Variants in ZC3H3 observed in about 807,000 individuals in gnomAD.
The protein encoded by ZC3H3 is zinc finger CCCH domain-containing protein 3.
ZC3H3 carries 36 observed loss-of-function variants against 77.3 expected under a neutral mutation model. The ratio of observed to expected loss-of-function variants is 0.47; its 90% CI spans 0.36 to 0.61. The LOEUF (loss-of-function observed/expected upper bound fraction) is 0.61. Among genes scored for constraint, ZC3H3 ranks in the 20% least tolerant of loss-of-function variants. The pLI, the probability that ZC3H3 is intolerant of heterozygous loss-of-function variation, is 0.00. For synonymous variants in ZC3H3, 626 were observed against 555.2 expected (o/e 1.13, Z -1.79); for missense variants, 1,331 against 1,312.2 (o/e 1.01, Z -0.22).
rs1354005975 is a variant in ZC3H3 at position 143,440,370 on chromosome 8, G to A, written c.2493-7C>T. On this transcript the variant is annotated splice_polypyrimidine_tract_variant and splice_region_variant and intron_variant, in intron 10 of 11. Transcript: ENST00000262577. ...CTGGGATGCTGAAGGCTTCCTGCAG[G>A]GAAGGAAGGGGCAGACGTGTGAGGT... 2 of 1,518,836 alleles carry A rather than the reference G, an allele frequency of 1.3e-6. No individual in the cohort carries two copies. The highest frequency in any genetic ancestry group is 1.4e-5 in the African/African-American group (1 of 72,256). The allele number at this position is 1,518,836 out of a possible 1,614,324, so 94.1% of individuals were successfully genotyped here. A position where few individuals can be genotyped will look rare whatever the true frequency, so the allele number is the denominator to read the frequency against.
intron 9 of ZC3H3, among the ~76,000 whole-genome samples, chr8:143,442,701 G>A (rs551707631): frequency 7.2e-4 from 109 of 152,374 alleles, no homozygotes; most frequent in African/African-American, 2.4e-3. Context: ...GTGAGCTGAG[G>A]TGTGGGTGTT....
chr8:143,470,108 C>T (rs1397877451), intron 5 of ZC3H3, among the ~76,000 whole-genome samples: 5 of 152,348 alleles, frequency 3.3e-5, no homozygotes, highest in East Asian at 1.9e-4. Context: ...TCCGCTCCCT[C>T]GCACCCCCAG....
chr8:143,523,087 G>A (rs1220381078), intron 3 of ZC3H3, among the ~76,000 whole-genome samples: 1 of 152,168 alleles, frequency 6.6e-6, no homozygotes, highest in Non-Finnish European at 1.5e-5. Context: ...TCTGCCACAA[G>A]CCCTGCCCAG....
chr8:143,476,530 AC>A (rs1300750037), intron 4 of ZC3H3, among the ~76,000 whole-genome samples: 2 of 152,006 alleles, frequency 1.3e-5, no homozygotes, highest in African/African-American at 4.8e-5. Flanking sequence ...TGCCAGCCAC[AC>A]CCACAGCCCT....
chr8:143,489,056 T>G (rs1821127102), intron 4 of ZC3H3, among the ~76,000 whole-genome samples: 1 of 152,178 alleles, frequency 6.6e-6, no homozygotes. Context: ...CCCAGGACTG[T>G]TCATCCAGAT....
Position 143,440,332 on chromosome 8 carries a change from G to T in ZC3H3, c.2524C>A (p.Gln842Lys). The change falls in exon 11 of 12, where the codon CAG becomes AAG. Residue 842 changes from glutamine (Q) to lysine (K), a missense_variant. This residue lies in a region of ZC3H3 where 249 missense variants were observed against 236.9 expected (regional missense o/e 1.05). Coordinates refer to ENST00000262577, the MANE Select transcript of ZC3H3 (RefSeq NM_015117.3). The stretch of plus-strand genomic sequence containing the variant: ...GTGAGGGCAGCCGAGCTGGGCGTCT[G>T]CCTGGTGGGGCGCTGGGATGCTGAA... ...KPSASQRPTR[Q>K]TPSSAALTAA... 1 of 1,538,434 alleles carries T rather than the reference G, an allele frequency of 6.5e-7. No individual in the cohort carries two copies. Among genetic ancestry groups the T allele is most frequent in the Non-Finnish European group, 8.8e-7 (1 of 1,139,936 alleles).
At chr8:143,473,908 A>C (rs988188809) in intron 5 of ZC3H3, among the ~76,000 whole-genome samples, 2 of 152,118 alleles carry the variant, frequency 1.3e-5, no homozygotes, top group African/African-American at 4.8e-5. Context: ...TGCTGGAGAG[A>C]AGCCCGAGGC....
intron 5 of ZC3H3, among the ~76,000 whole-genome samples, chr8:143,470,474 G>A (rs1302044600): frequency 3.3e-5 from 5 of 152,242 alleles, no homozygotes; most frequent in Admixed American, 1.3e-4. Context: ...CCTTGTCCCC[G>A]GGTGGGCAGC....
intron 4 of ZC3H3, among the ~76,000 whole-genome samples, chr8:143,483,124 G>C (rs1820952177): frequency 6.6e-6 from 1 of 152,254 alleles, no homozygotes; most frequent in East Asian, 1.9e-4. Context: ...GGAGTGCGAA[G>C]TCAGCAGAAG....
chr8:143,523,573 G>A (rs1414697377), intron 3 of ZC3H3: 6 of 978,572 alleles, frequency 6.1e-6, no homozygotes, highest in Non-Finnish European at 7.3e-6. Flanking sequence ...AGAGGCAGTA[G>A]GAGACCACAG....
At chr8:143,491,050 T>C (rs1368136178) in intron 4 of ZC3H3, among the ~76,000 whole-genome samples, 1 of 152,030 alleles carries the variant, frequency 6.6e-6, no homozygotes, top group Non-Finnish European at 1.5e-5. Flanking sequence ...TCAGGGGTGG[T>C]TTTTCAGTTT....
At chr8:143,527,834 A>T (rs1427390577) in intron 3 of ZC3H3, among the ~76,000 whole-genome samples, 1 of 152,174 alleles carries the variant, frequency 6.6e-6, no homozygotes, top group Non-Finnish European at 1.5e-5. Flanking sequence ...CAAAGCACCC[A>T]AAGGCACCGC....
rs1207888902 is a variant in ZC3H3, at chr8:143,475,486, T to A, written c.1815A>T (p.Gly605=). The A allele has an allele frequency of 8.7e-6, 14 of 1,613,074 alleles. No homozygotes were observed. Among genetic ancestry groups the A allele is most frequent in the Non-Finnish European group, 1.2e-5 (14 of 1,179,938 alleles). The stretch of plus-strand genomic sequence containing the variant: ...TGGCAGATACTTTGTAGAGGACCCC[T>A]CCGATGCAGCGGTAGCCTTTGCTCC... The part of the protein sequence containing the change: ...WWRSKGYRCI[G]GVLYKVSANK... The change falls in exon 5 of 12, where the codon GGA becomes GGT. Residue 605 remains glycine (G), a synonymous_variant. Transcript: ENST00000262577.
chr8:143,485,367 C>G (rs750439785), intron 4 of ZC3H3, among the ~76,000 whole-genome samples: 1 of 152,206 alleles, frequency 6.6e-6, no homozygotes, highest in Non-Finnish European at 1.5e-5. Flanking sequence ...TAACGAAGGG[C>G]ACAGACAAGT....
chr8:143,520,439 C>T lies in ZC3H3; in HGVS notation c.1562-12540G>A, dbSNP rs114511011. On this transcript the variant is annotated intron_variant, in intron 3 of 11. Transcript: ENST00000262577. ...AGCCGATGGCCAGCTGCCCACCCTG[C>T]GCCCCCACACAGCCCTGGTGCTGCT... is the stretch of plus-strand genomic sequence containing the variant. 8.7e-3 allele frequency among the ~76,000 whole-genome samples: 1,321 copies of T among 152,278 alleles called. 9 individuals are homozygous for T. The highest frequency in any genetic ancestry group is 0.029 in the African/African-American group (1,212 of 41,570).
In ZC3H3 at chr8:143,517,494, C is replaced by T. The variant is rs986832318; in HGVS notation, c.1562-9595G>A. 4.6e-5 allele frequency among the ~76,000 whole-genome samples: 7 copies of T among 152,318 alleles called. No individual in the cohort carries two copies. In the East Asian group the frequency reaches 5.8e-4, roughly 13 times the overall value. ...TAGGCTCGGGGCATGCAGGCTGCAG[C>T]GAAGGACAGCTGGGCTTGGGCCTGG... On this transcript the variant is annotated intron_variant, in intron 3 of 11. Coordinates refer to ENST00000262577, the MANE Select transcript of ZC3H3 (RefSeq NM_015117.3).
chr8:143,475,707 T>C, intron 4 of ZC3H3, 122 bp from the exon 5 acceptor site: 2 of 1,187,468 alleles, frequency 1.7e-6, no homozygotes, highest in South Asian at 1.6e-5. Flanking sequence ...GCACTTGCGG[T>C]GGGTACACAC....
rs1290509121 is a variant in ZC3H3, at chr8:143,536,261, C to T, written c.1557G>A (p.Lys519=). ...LPPSRAHLPT[K]EASSLHAVRT... ...GCGCCCCTGCTCCCAGCATACCTTC[C>T]TTGGTGGGGAGGTGGGCCCGGCTCG... The change falls in exon 3 of 12, where the codon AAG becomes AAA. Residue 519 remains lysine (K), a synonymous_variant. Transcript: ENST00000262577. The T allele has an allele frequency of 6.2e-7, 1 of 1,610,622 alleles. No individual in the cohort carries two copies. Among genetic ancestry groups the T allele is most frequent in the East Asian group, 2.2e-5 (1 of 44,858 alleles).
chr8:143,538,638 C>A lies in ZC3H3; in HGVS notation c.729G>T (p.Leu243=). The A allele has an allele frequency of 6.2e-7, 1 of 1,608,934 alleles. No individual in the cohort carries two copies. Among genetic ancestry groups the A allele is most frequent in the Non-Finnish European group, 8.5e-7 (1 of 1,179,986 alleles). The stretch of plus-strand genomic sequence containing the variant: ...CGGAATGAGAACCCAGCTTCCGGCC[C>A]AGGGCCACGCCAGTGCGTGGGGGCA... ...SALPPRTGVA[L]GRKLGSHSVA... The change falls in exon 2 of 12, where the codon CTG becomes CTT. Residue 243 remains leucine (L), a synonymous_variant. Coordinates refer to ENST00000262577, the MANE Select transcript of ZC3H3 (RefSeq NM_015117.3).
Sources: gnomAD v4.1 joint callset for allele counts (sites outside exome capture counted in the v4.1 genomes callset) on GRCh38, gnomAD v4.1.1 for gene constraint, gnomAD v4.1.1 regional missense constraint, MANE v1.5 for transcripts, NCBI Gene and HGNC (gene_info 2026-07-23, HGNC 2026-07-21) for gene names.